The following TASP1 variants were observed in gnomAD, a reference collection of about 807,000 sequenced individuals.
The protein encoded by TASP1 is threonine aspartase 1.
TASP1 carries 16 observed loss-of-function variants against 56.6 expected under a neutral mutation model. The observed-to-expected ratio is 0.28, with a 90% confidence interval of 0.19 to 0.43. The LOEUF (loss-of-function observed/expected upper bound fraction) is 0.43, where lower values mean the gene tolerates loss of function less well. Among genes scored for constraint, TASP1 ranks in the 20% least tolerant of loss-of-function variants. The pLI, the probability that TASP1 is intolerant of heterozygous loss-of-function variation, is 1.00. For missense variants in TASP1, 393 were observed against 511.6 expected (o/e 0.77, Z 2.24); for synonymous variants, 179 against 184.2 (o/e 0.97, Z 0.23).
At chr20:13,565,436 T>G (rs1363504799) in intron 7 of TASP1, among the ~76,000 whole-genome samples, 1 of 152,112 alleles carries the variant, frequency 6.6e-6, no homozygotes, top group African/African-American at 2.4e-5. Context: ...GGATAAGATA[T>G]TTGCAAGTCA....
intron 6 of TASP1, among the ~76,000 whole-genome samples, chr20:13,578,110 C>G (rs2046992105): frequency 6.6e-6 from 1 of 152,048 alleles, no homozygotes; most frequent in Admixed American, 6.6e-5. Flanking sequence ...ATGTTCCCAT[C>G]AACAGCAGAA....
the TASP1 span, among the ~76,000 whole-genome samples, chr20:13,218,256 A>G: frequency 2.0e-5 from 3 of 152,064 alleles, no homozygotes; most frequent in Non-Finnish European, 4.4e-5. Context: ...CAAAAAAAAA[A>G]AAAGAATGAA....
chr20:13,385,457 G>A (rs994339708), downstream of TASP1, among the ~76,000 whole-genome samples: 5 of 152,352 alleles, frequency 3.3e-5, no homozygotes, highest in African/African-American at 9.6e-5. Context: ...CCGATGTTAC[G>A]GATGAAAATG....
the TASP1 span, among the ~76,000 whole-genome samples, chr20:13,341,115 G>C: frequency 6.6e-6 from 1 of 152,184 alleles, no homozygotes. Context: ...ACCACATTGA[G>C]AGCAAAATTC....
At position 13,463,067 on chromosome 20, in the gene TASP1, A is replaced by C. The variant is rs150447482; in HGVS notation, c.985+20160T>G. Among the ~76,000 whole-genome samples the C allele has an allele frequency of 2.7e-3, 408 of 152,220 alleles. 1 individual carries two copies. Among genetic ancestry groups the C allele is most frequent in the Non-Finnish European group, 4.4e-3 (302 of 67,986 alleles). The stretch of plus-strand genomic sequence containing the variant: ...CAGGAGACCCCAAATAACCAAAACT[A>C]TCCTAAAAAAGAACAAAATTGGAGG... On this transcript the variant is annotated intron_variant, in intron 11 of 13. Coordinates refer to ENST00000337743, the MANE Select transcript of TASP1 (RefSeq NM_017714.3).
the TASP1 span, among the ~76,000 whole-genome samples, chr20:13,349,308 A>G: frequency 6.6e-6 from 1 of 152,232 alleles, no homozygotes; most frequent in Non-Finnish European, 1.5e-5. Flanking sequence ...TGTAACATTT[A>G]TCCCCAAGTG....
At chr20:13,541,014 T>C (rs1568561591) in intron 8 of TASP1, among the ~76,000 whole-genome samples, 1 of 152,064 alleles carries the variant, frequency 6.6e-6, no homozygotes, top group Non-Finnish European at 1.5e-5. Flanking sequence ...TGGTTGTAAC[T>C]ATAAGAAAAA....
At chr20:13,592,397 C>A (rs1243604328) in intron 4 of TASP1, among the ~76,000 whole-genome samples, 52 of 138,306 alleles carry the variant, frequency 3.8e-4, no homozygotes, top group Middle Eastern at 3.7e-3. Flanking sequence ...AACACTGTCT[C>A]AAAAAAAAAA....
the TASP1 span, among the ~76,000 whole-genome samples, chr20:13,360,449 G>A: frequency 1.1e-4 from 17 of 151,864 alleles, no homozygotes; most frequent in African/African-American, 3.6e-4. Context: ...TCAAACCCAA[G>A]CACCTTCTAC....
the TASP1 span, among the ~76,000 whole-genome samples, chr20:13,119,285 A>C: frequency 6.6e-6 from 1 of 152,200 alleles, no homozygotes; most frequent in South Asian, 2.1e-4. Context: ...AATGTTGTCA[A>C]ATTTGGTGGA....
At chr20:13,614,794 C>T (rs1568653034) in intron 4 of TASP1, 1 of 468,794 alleles carries the variant, frequency 2.1e-6, no homozygotes, top group Admixed American at 2.4e-5. Flanking sequence ...TAGTTTTAAA[C>T]TTTGTTTTAG....
chr20:13,251,962 C>G, the TASP1 span, among the ~76,000 whole-genome samples: 1 of 140,136 alleles, frequency 7.1e-6, no homozygotes, highest in Non-Finnish European at 1.5e-5. Flanking sequence ...CAAGCTGAAG[C>G]AAGCAAGCAA....
the TASP1 span, chr20:13,288,618 C>G: frequency 6.2e-7 from 1 of 1,613,984 alleles, no homozygotes; most frequent in African/African-American, 1.3e-5. Flanking sequence ...CAGAAACGGA[C>G]CCGGTCTTGT....
chr20:13,222,156 C>T, the TASP1 span, among the ~76,000 whole-genome samples: 2 of 152,042 alleles, frequency 1.3e-5, no homozygotes, highest in Non-Finnish European at 2.9e-5. Flanking sequence ...CTGTCTGTCA[C>T]GGGTCAGGTG....
In TASP1 at chr20:13,390,122, C is replaced by G. The variant is rs896599687; in HGVS notation, c.*238G>C. 1 of 442,800 alleles carries G rather than the reference C, an allele frequency of 2.3e-6. No individual in the cohort carries two copies. The highest frequency in any genetic ancestry group is 3.8e-5 in the Admixed American group (1 of 26,092). 27.4% of individuals were successfully genotyped at this position (442,800 alleles called of 1,614,324 possible). ...CCACGGAGAAGCAAACACACATACT[C>G]CACACATACACATATGTGCGCACAT... On this transcript the variant is annotated 3_prime_UTR_variant, in exon 14 of 14. Coordinates refer to ENST00000337743, the MANE Select transcript of TASP1 (RefSeq NM_017714.3).
the TASP1 span, among the ~76,000 whole-genome samples, chr20:13,213,288 A>T: frequency 3.9e-5 from 6 of 152,242 alleles, no homozygotes; most frequent in African/African-American, 1.4e-4. Context: ...TGTGCTTTTT[A>T]AAAAATGCAA....
chr20:13,572,601 G>T (rs1470463246), intron 6 of TASP1, among the ~76,000 whole-genome samples: 1 of 146,776 alleles, frequency 6.8e-6, no homozygotes. Flanking sequence ...CAGGAGAACC[G>T]CTTGAACTCG....
chr20:13,278,522 G>A, the TASP1 span, among the ~76,000 whole-genome samples: 4,273 of 152,256 alleles, frequency 0.028, 220 homozygotes, highest in African/African-American at 0.095. Context: ...TACTTTTTGA[G>A]AGACAGTGTG....
chr20:13,581,995 C>T (rs962326921), intron 5 of TASP1, among the ~76,000 whole-genome samples: 3 of 151,526 alleles, frequency 2.0e-5, no homozygotes, highest in Non-Finnish European at 2.9e-5. Flanking sequence ...ATGATTAATA[C>T]AAACAAATCA....
Sources: allele counts gnomAD v4.1 joint callset (sites outside exome capture counted in the v4.1 genomes callset), GRCh38; gene constraint gnomAD v4.1.1; transcripts MANE v1.5; gene names NCBI Gene and HGNC (gene_info 2026-07-23, HGNC 2026-07-21).